The following NUDT13 variants were observed in gnomAD, a reference collection of about 807,000 sequenced individuals.
NUDT13 encodes NAD(P)H pyrophosphatase NUDT13, mitochondrial.
In NUDT13, 40 loss-of-function variants were observed where a neutral mutation model predicts 41.7. That is an observed-to-expected ratio of 0.96 (90% CI 0.75 to 1.25). NUDT13 has a LOEUF of 1.25. NUDT13 is among the 50% of genes most tolerant of loss of function. The pLI, the probability that NUDT13 is intolerant of heterozygous loss-of-function variation, is 0.00. For synonymous variants in NUDT13, 145 were observed against 155.5 expected (o/e 0.93, Z 0.50); for missense variants, 390 against 416.1 (o/e 0.94, Z 0.55).
intron 3 of NUDT13, among the ~76,000 whole-genome samples, chr10:73,120,794 C>A (rs1040637282): frequency 1.3e-5 from 2 of 151,856 alleles, no homozygotes; most frequent in African/African-American, 4.8e-5. Flanking sequence ...AAAAATTAGC[C>A]GGGCGTGGTG....
chr10:73,126,878 C>T (rs1253849327), intron 8 of NUDT13, 51 bp downstream of exon 8: 1 of 1,502,328 alleles, frequency 6.7e-7, no homozygotes, highest in Admixed American at 1.7e-5. Flanking sequence ...CTTCATCCAA[C>T]CTGCTCATCA....
intron 8 of NUDT13, among the ~76,000 whole-genome samples, chr10:73,129,441 T>C (rs1365269593): frequency 6.6e-6 from 1 of 151,998 alleles, no homozygotes; most frequent in Admixed American, 6.5e-5. Flanking sequence ...CCCAAAGTGT[T>C]GGGATTATGG....
chr10:73,129,307 G>A (rs1314222356), intron 8 of NUDT13, among the ~76,000 whole-genome samples: 1 of 151,578 alleles, frequency 6.6e-6, no homozygotes, highest in East Asian at 1.9e-4. Flanking sequence ...CGAGTGGCTG[G>A]GATTACAGGT....
chr10:73,120,786 A>C (rs943196296), intron 3 of NUDT13, among the ~76,000 whole-genome samples: 9 of 151,944 alleles, frequency 5.9e-5, no homozygotes, highest in African/African-American at 2.2e-4. Context: ...AAATACAAAA[A>C]AATTAGCCGG....
chr10:73,118,692 A>G (rs920329389), intron 2 of NUDT13, among the ~76,000 whole-genome samples: 2 of 152,116 alleles, frequency 1.3e-5, no homozygotes, highest in African/African-American at 2.4e-5. Context: ...TGAAAATACT[A>G]TGGCTGGGTG....
intron 2 of NUDT13, among the ~76,000 whole-genome samples, chr10:73,116,535 G>C (rs901114058): frequency 2.6e-5 from 4 of 152,100 alleles, no homozygotes; most frequent in African/African-American, 9.7e-5. Flanking sequence ...CTCGAGGTCA[G>C]GAGTTCGAGA....
chr10:73,131,812 G>C lies in NUDT13; in HGVS notation c.*909G>C, dbSNP rs1842923510. On this transcript the variant is annotated 3_prime_UTR_variant, in exon 9 of 9. Coordinates refer to ENST00000357321, the MANE Select transcript of NUDT13 (RefSeq NM_015901.6). Reference sequence around the variant, plus strand: ...AAGAGTTTATTTGGGGAAAATAAAAGAAATTTCCACACCTTTGTTCTGATG... The same window carrying C: ...AAGAGTTTATTTGGGGAAAATAAAACAAATTTCCACACCTTTGTTCTGATG... 1 of 152,144 alleles carries C rather than the reference G, an allele frequency of 6.6e-6. No homozygotes were observed. The highest frequency in any genetic ancestry group is 2.4e-5 in the African/African-American group (1 of 41,422). The allele number at this position is 152,144 out of a possible 1,614,324, so 9.4% of individuals were successfully genotyped here.
At chr10:73,126,602 T>G (rs1842787328) in intron 7 of NUDT13, 71 bp from the exon 8 acceptor site, 2 of 1,545,846 alleles carry the variant, frequency 1.3e-6, no homozygotes, top group South Asian at 1.2e-5. Context: ...TTGTGCACCT[T>G]TCTCAAATGG....
chr10:73,114,339 C>CTTTTTT lies in NUDT13; in HGVS notation c.-9-9_-9-4dup. On this transcript the variant is annotated splice_polypyrimidine_tract_variant and intron_variant, in intron 1 of 8. Coordinates refer to ENST00000357321, the MANE Select transcript of NUDT13 (RefSeq NM_015901.6). ...CATATTATGACTTTTTTTAAAACTC[C>CTTTTTT]TTTTTTTTTTTTTTAAGGACCTGAC... The CTTTTTT allele has an allele frequency of 1.8e-6, 2 of 1,081,218 alleles. No homozygotes were observed. The highest frequency in any genetic ancestry group is 1.3e-6 in the Non-Finnish European group (1 of 772,896). The allele number at this position is 1,081,218 out of a possible 1,614,324, so 67.0% of individuals were successfully genotyped here.
At chr10:73,114,684 A>G (rs942424699) in intron 2 of NUDT13, among the ~76,000 whole-genome samples, 10 of 151,446 alleles carry the variant, frequency 6.6e-5, no homozygotes, top group African/African-American at 2.4e-4. Flanking sequence ...TTTTGTTATA[A>G]TGTGGGGCAC....
intron 2 of NUDT13, among the ~76,000 whole-genome samples, chr10:73,118,993 T>G (rs1446276249): frequency 6.6e-6 from 1 of 151,618 alleles, no homozygotes; most frequent in Admixed American, 6.6e-5. Flanking sequence ...AGAAGGAAAA[T>G]GAAAATACTA....
At chr10:73,124,409 T>C (rs1842723534) in intron 5 of NUDT13, 89 bp downstream of exon 5, 16 of 854,710 alleles carry the variant, frequency 1.9e-5, no homozygotes, top group Non-Finnish European at 2.7e-5. Context: ...AGAGTGACGT[T>C]TGATTTCTTC....
Position 73,131,010 on chromosome 10 carries a change from A to G in NUDT13, c.*107A>G. ...AGATAAGCTGCAGAAGGACCTCAGA[A>G]GGGCAGAGCAAAGGGTGAGCCTACA... On this transcript the variant is annotated 3_prime_UTR_variant, in exon 9 of 9. Transcript: ENST00000357321. 1 of 897,808 alleles carries G rather than the reference A, an allele frequency of 1.1e-6. No individual in the cohort carries two copies. The highest frequency in any genetic ancestry group is 1.8e-6 in the Non-Finnish European group (1 of 570,004). The allele number at this position is 897,808 out of a possible 1,614,324, so 55.6% of individuals were successfully genotyped here.
chr10:73,122,342 A>G, intron 4 of NUDT13, 33 bp downstream of exon 4: 1 of 1,555,170 alleles, frequency 6.4e-7, no homozygotes, highest in South Asian at 1.2e-5. Context: ...GGTACTTCCC[A>G]GTGGTCTTCA....
intron 5 of NUDT13, 43 bp downstream of exon 5, chr10:73,124,363 G>GT: frequency 3.7e-6 from 5 of 1,335,898 alleles, no homozygotes; most frequent in East Asian, 2.3e-5. Flanking sequence ...TAGTAGAGCA[G>GT]TAAGTGTGGG....
intron 3 of NUDT13, among the ~76,000 whole-genome samples, chr10:73,121,527 AC>A (rs1312513690): frequency 6.6e-6 from 1 of 152,238 alleles, no homozygotes; most frequent in African/African-American, 2.4e-5. Context: ...ATTTCTCCCT[AC>A]ACATCACTCA....
intron 2 of NUDT13, chr10:73,119,613 G>C (rs945484619): frequency 8.0e-6 from 2 of 250,744 alleles, no homozygotes; most frequent in Non-Finnish European, 6.4e-6. Flanking sequence ...TATTGGCAGA[G>C]TAACTTGAAG....
Position 73,118,125 on chromosome 10 carries a change from T to A in NUDT13, c.84-1893T>A, listed in dbSNP as rs561336777. Among the ~76,000 whole-genome samples the A allele has an allele frequency of 7.9e-5, 12 of 152,348 alleles. No homozygotes were observed. In the East Asian group the frequency reaches 2.3e-3, roughly 29 times the overall value. ...AGGCAGCAGTGTTTGTTCTATTGTTTATATTTGGTAACTTCTGAGTGACAC... is the reference window on the plus strand; with the variant it reads ...AGGCAGCAGTGTTTGTTCTATTGTTAATATTTGGTAACTTCTGAGTGACAC... On this transcript the variant is annotated intron_variant, in intron 2 of 8. Transcript: ENST00000357321.
chr10:73,122,399 G>A lies in NUDT13; in HGVS notation c.358+90G>A, dbSNP rs956749202. 9 of 1,239,532 alleles carry A rather than the reference G, an allele frequency of 7.3e-6. No individual in the cohort carries two copies. The Admixed American group carries it at 1.9e-4, about 27-fold the overall frequency. 76.8% of individuals were successfully genotyped at this position (1,239,532 alleles called of 1,614,324 possible). On this transcript the variant is annotated intron_variant, in intron 4 of 8. Coordinates refer to ENST00000357321, the MANE Select transcript of NUDT13 (RefSeq NM_015901.6). ...GGTAAAATTTAAAGGAAAATTTGGGGAATACAAAAGGTTATCAACTTTCTA... is the reference window on the plus strand; with the variant it reads ...GGTAAAATTTAAAGGAAAATTTGGGAAATACAAAAGGTTATCAACTTTCTA...
Sources: allele counts gnomAD v4.1 joint callset (sites outside exome capture counted in the v4.1 genomes callset), GRCh38; gene constraint gnomAD v4.1.1; transcripts MANE v1.5; gene names NCBI Gene and HGNC (gene_info 2026-07-23, HGNC 2026-07-21).